The following PPFIA4 variants were observed in gnomAD, a reference collection of about 807,000 sequenced individuals.
The protein encoded by PPFIA4 is liprin-alpha-4.
A neutral mutation model predicts 145.7 loss-of-function variants in PPFIA4; 98 were observed. The observed-to-expected ratio is 0.67, with a 90% confidence interval of 0.57 to 0.80. The LOEUF (loss-of-function observed/expected upper bound fraction) is 0.80, where lower values mean the gene tolerates loss of function less well. Among genes scored for constraint, PPFIA4 ranks in the 30% least tolerant of loss-of-function variants. The pLI is 0.00. For synonymous variants in PPFIA4, 628 were observed against 649.6 expected, an observed-to-expected ratio of 0.97 and a Z score of 0.51; for missense variants, 1,457 against 1,632.7, an observed-to-expected ratio of 0.89 and a Z score of 1.85.
intron 16 of PPFIA4, 105 bp from the exon 17 acceptor site, chr1:203,056,015 G>A (rs966138194): frequency 3.5e-6 from 4 of 1,155,538 alleles, no homozygotes; most frequent in Non-Finnish European, 5.0e-6. Flanking sequence ...CCTGTGTGAG[G>A]CACTGAATCC....
rs761924477 is a variant in PPFIA4, at chr1:203,067,713, C to T, written c.3069C>T (p.Gly1023=). Residue 1023 remains glycine (G), a synonymous_variant, in exon 26 of 30, where the codon GGC becomes GGT. Transcript: ENST00000295706. ...DSFHRTSLQY[G]IMCLKRLNYD... ...CCTGCAGAACCAGTCTTCAGTATGG[C>T]ATCATGTGTCTGAAGAGGCTGAATT... 1 of 1,613,778 alleles carries T rather than the reference C, an allele frequency of 6.2e-7. No individual in the cohort carries two copies. Among genetic ancestry groups the T allele is most frequent in the Non-Finnish European group, 8.5e-7 (1 of 1,179,814 alleles).
At chr1:203,076,057 G>C in intron 29 of PPFIA4, 1 of 589,910 alleles carries the variant, frequency 1.7e-6, no homozygotes, top group Non-Finnish European at 2.9e-6. Flanking sequence ...GGTCTGACGG[G>C]GGAGTGCCCG....
chr1:203,062,515 CAAT>C (rs1661460009), intron 24 of PPFIA4, among the ~76,000 whole-genome samples: 1 of 135,090 alleles, frequency 7.4e-6, no homozygotes, highest in Non-Finnish European at 1.6e-5. Context: ...AAGATAGTCT[CAAT>C]AAGTAAACAA....
At chr1:203,059,673 TG>T in intron 20 of PPFIA4, 96 bp from the exon 21 acceptor site, 1 of 980,416 alleles carries the variant, frequency 1.0e-6, no homozygotes, top group South Asian at 1.4e-5. Flanking sequence ...GCAAGGGTTG[TG>T]GGTCTCCAGC....
intron 1 of PPFIA4, among the ~76,000 whole-genome samples, chr1:203,031,750 AT>A (rs1263613940): frequency 6.6e-6 from 1 of 152,132 alleles, no homozygotes. Flanking sequence ...CAAATTTGCT[AT>A]GCTTATTACT....
chr1:203,050,424 T>TGGGGTGAAG (rs1660421217), intron 13 of PPFIA4, among the ~76,000 whole-genome samples: 1 of 151,790 alleles, frequency 6.6e-6, no homozygotes, highest in African/African-American at 2.4e-5. Context: ...GCCAGAGAGG[T>TGGGGTGAAG]GGGGTGAAGA....
intron 1 of PPFIA4, chr1:203,035,108 G>T (rs1659132408): frequency 2.9e-6 from 1 of 349,830 alleles, no homozygotes; most frequent in Non-Finnish European, 5.7e-6. Flanking sequence ...GAAGACCCCC[G>T]CCCTCCCCAT....
rs1553257057 is a variant in PPFIA4, at chr1:203,052,047, C to CCG, written c.1620+171_1620+172insGC. Among the ~76,000 whole-genome samples the CCG allele has an allele frequency of 2.2e-5, 3 of 133,788 alleles. No individual in the cohort carries two copies. In the East Asian group the frequency reaches 6.2e-4, roughly 28 times the overall value. 87.8% of individuals were successfully genotyped at this position (133,788 alleles called of 152,430 possible). A position where few individuals can be genotyped will look rare whatever the true frequency, so the allele number is the denominator to read the frequency against. ...CCATCGTCAGCTGCAACAGCTGTGC[C>CCG]CCCCCCCCCGCTTGCCTTGGCCTCC... On this transcript the variant is annotated intron_variant, in intron 14 of 29. Coordinates refer to ENST00000295706, the MANE Select transcript of PPFIA4 (RefSeq NM_001304331.2).
rs1218879392 is a variant in PPFIA4 at position 203,028,720 on chromosome 1, G to A, written c.-400+2091G>A. ...GAGAGGAGGAGAGGTGAGGAGCAGG[G>A]AGGACTGAGGGAGTGAAAGCTGCCT... On this transcript the variant is annotated intron_variant, in intron 1 of 29. Transcript: ENST00000295706. Among the ~76,000 whole-genome samples the A allele has an allele frequency of 2.0e-5, 3 of 151,966 alleles. No individual in the cohort carries two copies. In the East Asian group the frequency reaches 5.8e-4, roughly 29 times the overall value.
chr1:203,045,654 C>T, intron 7 of PPFIA4, 95 bp downstream of exon 7: 1 of 1,450,436 alleles, frequency 6.9e-7, no homozygotes, highest in Non-Finnish European at 9.2e-7. Flanking sequence ...TGAACACCTG[C>T]CTCCTTGCCT....
chr1:203,039,343 T>C (rs1659540216), intron 2 of PPFIA4, 101 bp downstream of exon 2: 1 of 856,676 alleles, frequency 1.2e-6, no homozygotes, highest in Admixed American at 3.2e-5. Flanking sequence ...TGCATATCAA[T>C]AATTGGAATT....
At chr1:203,030,985 A>T (rs1438033427) in intron 1 of PPFIA4, among the ~76,000 whole-genome samples, 1 of 152,206 alleles carries the variant, frequency 6.6e-6, no homozygotes, top group Non-Finnish European at 1.5e-5. Flanking sequence ...ACTTGCTCTC[A>T]TGCCTGTGCT....
In PPFIA4 at chr1:203,045,750, T is replaced by C. The variant is rs557383149; in HGVS notation, c.859-91T>C. ...AGTGTAGCTCATGCCCCTTAATGGG[T>C]TCCAATCAGCCAGGTGTGGGTGGGG... On this transcript the variant is annotated intron_variant, in intron 7 of 29. Transcript: ENST00000295706. The C allele has an allele frequency of 5.8e-5, 92 of 1,583,046 alleles. No individual in the cohort carries two copies. The Admixed American group carries it at 1.6e-3, about 27-fold the overall frequency.
At chr1:203,030,679 T>G (rs544893857) in intron 1 of PPFIA4, among the ~76,000 whole-genome samples, 2 of 152,352 alleles carry the variant, frequency 1.3e-5, no homozygotes, top group Admixed American at 6.5e-5. Flanking sequence ...CCTCTCTCGA[T>G]TATACCTTCT....
At position 203,075,869 on chromosome 1, in the gene PPFIA4, CGCTCCTGCGCT is replaced by C; in HGVS notation, c.3574+115_3574+125del. On this transcript the variant is annotated intron_variant, in intron 29 of 29. Coordinates refer to ENST00000295706, the MANE Select transcript of PPFIA4 (RefSeq NM_001304331.2). The surrounding 1 kb of genome is among the most constrained non-coding windows in gnomAD (Gnocchi z 4.1). ...GGGCGAGGCCGAGGCTGGTGCCCCG[CGCTCCTGCGCT>C]GCAGCTGCACTAACGCTCCGCGGGG... The C allele has an allele frequency of 9.3e-7, 1 of 1,081,024 alleles. No homozygotes were observed. The highest frequency in any genetic ancestry group is 1.2e-6 in the Non-Finnish European group (1 of 812,848). 67.0% of individuals were successfully genotyped at this position (1,081,024 alleles called of 1,614,324 possible).
At chr1:203,053,045 T>A (rs755266208) in intron 14 of PPFIA4, among the ~76,000 whole-genome samples, 24 of 152,244 alleles carry the variant, frequency 1.6e-4, no homozygotes, top group Non-Finnish European at 3.4e-4. Flanking sequence ...TCCTCACAGC[T>A]ATCTATGAGG....
intron 19 of PPFIA4, among the ~76,000 whole-genome samples, chr1:203,058,118 A>G (rs1341006698): frequency 2.6e-5 from 4 of 152,188 alleles, no homozygotes; most frequent in Middle Eastern, 3.2e-3. Flanking sequence ...ATCAACTAGA[A>G]TAAAGGAACC....
chr1:203,045,751 T>C (rs1558074673), intron 7 of PPFIA4, 90 bp from the exon 8 acceptor site: 3 of 1,585,378 alleles, frequency 1.9e-6, no homozygotes, highest in Non-Finnish European at 2.6e-6. Context: ...CTTAATGGGT[T>C]CCAATCAGCC....
intron 9 of PPFIA4, among the ~76,000 whole-genome samples, chr1:203,047,113 T>A (rs758329343): frequency 2.6e-5 from 4 of 152,160 alleles, no homozygotes; most frequent in Non-Finnish European, 4.4e-5. Context: ...AACCGGTGTT[T>A]AGGAAGCACC....
Sources: allele counts gnomAD v4.1 joint callset (sites outside exome capture counted in the v4.1 genomes callset), GRCh38; gene constraint gnomAD v4.1.1; non-coding constraint Gnocchi (gnomAD v3.1); transcripts MANE v1.5; gene names NCBI Gene and HGNC (gene_info 2026-07-23, HGNC 2026-07-21).